DOCK3: variants seen among roughly 807,000 people sequenced by gnomAD.
DOCK3 encodes the protein dedicator of cytokinesis protein 3.
A neutral mutation model predicts 265.6 loss-of-function variants in DOCK3; 60 were observed. The observed-to-expected ratio is 0.23, with a 90% CI of 0.18 to 0.28. The LOEUF is 0.28. Among genes scored for constraint, DOCK3 ranks in the 10% least tolerant of loss-of-function variants. The probability of loss-of-function intolerance (pLI) is 1.00; values close to 1 mark genes in which losing one functional copy is unlikely to be tolerated. For missense variants in DOCK3, 1,981 were observed against 2,594.3 expected, an observed-to-expected ratio of 0.76 and a Z score of 5.14; for synonymous variants, 881 against 938.0, an observed-to-expected ratio of 0.94 and a Z score of 1.11.
intron 12 of DOCK3, among the ~76,000 whole-genome samples, chr3:51,161,413 C>A (rs566876621): frequency 5.4e-4 from 81 of 150,154 alleles, no homozygotes; most frequent in Non-Finnish European, 1.0e-3. Flanking sequence ...CACTGCACTC[C>A]AGCCTGGGCA....
chr3:51,344,313 A>G (rs1440071397), intron 38 of DOCK3, among the ~76,000 whole-genome samples: 1 of 152,174 alleles, frequency 6.6e-6, no homozygotes, highest in Non-Finnish European at 1.5e-5. Context: ...CGAGGGAGCA[A>G]CAAGGATATA....
chr3:51,259,885 G>A (rs2079760858), intron 22 of DOCK3, among the ~76,000 whole-genome samples: 1 of 152,150 alleles, frequency 6.6e-6, no homozygotes, highest in Admixed American at 6.5e-5. Context: ...TTCTATAACA[G>A]TCTATGGCTC....
At chr3:50,913,314 G>A (rs28762180) in intron 4 of DOCK3, among the ~76,000 whole-genome samples, 14,349 of 151,914 alleles carry the variant, frequency 0.094, 849 homozygotes, top group Non-Finnish European at 0.12. Context: ...TCTTGCTGTG[G>A]TTGAGCTGTT....
At chr3:50,841,922 G>A (rs1459325533) in intron 3 of DOCK3, among the ~76,000 whole-genome samples, 1 of 151,616 alleles carries the variant, frequency 6.6e-6, no homozygotes, top group African/African-American at 2.4e-5. Flanking sequence ...AAATATCATA[G>A]CTGCAAAGCT....
intron 41 of DOCK3, among the ~76,000 whole-genome samples, chr3:51,355,242 T>C (rs2086285495): frequency 6.6e-6 from 1 of 152,230 alleles, no homozygotes; most frequent in Non-Finnish European, 1.5e-5. Flanking sequence ...GGTCTAGTTA[T>C]CAGTGGGGCT....
At position 50,973,049 on chromosome 3, in the gene DOCK3, C is replaced by CTTTTTTTTTTTTTTTT. The variant is rs71858027; in HGVS notation, c.315+38981_315+38996dup. Among the ~76,000 whole-genome samples, 2 of 19,022 alleles carry CTTTTTTTTTTTTTTTT rather than the reference C, an allele frequency of 1.1e-4. 1 individual carries two copies. The highest frequency in any genetic ancestry group is 1.7e-4 in the Non-Finnish European group (2 of 11,676). 12.5% of individuals were successfully genotyped at this position (19,022 alleles called of 152,430 possible). ...ACAATCCGTGGCATTCAGTGTGTTT[C>CTTTTTTTTTTTTTTTT]TTTTTTTTTTTTTTTTTTTTTTTTG... On this transcript the variant is annotated intron_variant, in intron 5 of 52. Transcript: ENST00000266037.
chr3:51,224,626 T>C (rs1326950711), intron 14 of DOCK3, among the ~76,000 whole-genome samples: 1 of 152,210 alleles, frequency 6.6e-6, no homozygotes, highest in Non-Finnish European at 1.5e-5. Context: ...GTTGTTTCAT[T>C]ACCTCTCATT....
chr3:50,789,667 G>A (rs1407327993), intron 2 of DOCK3, among the ~76,000 whole-genome samples: 1 of 152,104 alleles, frequency 6.6e-6, no homozygotes. Flanking sequence ...CCAGTGTTAG[G>A]TGCATATATA....
intron 5 of DOCK3, among the ~76,000 whole-genome samples, chr3:51,030,463 T>A (rs923135693): frequency 1.3e-5 from 2 of 152,166 alleles, no homozygotes; most frequent in African/African-American, 4.8e-5. Context: ...ATTATAGTCA[T>A]GGTAAGGTAT....
At chr3:51,072,510 G>A (rs2081913227) in intron 6 of DOCK3, among the ~76,000 whole-genome samples, 1 of 152,008 alleles carries the variant, frequency 6.6e-6, no homozygotes, top group Non-Finnish European at 1.5e-5. Flanking sequence ...CTGGTTTCAA[G>A]TGATTCTCAT....
chr3:51,089,765 G>A (rs540855559), intron 8 of DOCK3, among the ~76,000 whole-genome samples: 58 of 151,912 alleles, frequency 3.8e-4, no homozygotes, highest in Non-Finnish European at 7.2e-4. Context: ...AGCTGGGCAT[G>A]ATGGTGGGTG....
chr3:51,059,652 C>T (rs1308691678), intron 5 of DOCK3, among the ~76,000 whole-genome samples: 2 of 152,116 alleles, frequency 1.3e-5, no homozygotes, highest in African/African-American at 4.8e-5. Context: ...CCACTCTATT[C>T]ACTCCCAGCT....
At chr3:50,911,461 G>A (rs2049849042) in intron 4 of DOCK3, among the ~76,000 whole-genome samples, 1 of 152,042 alleles carries the variant, frequency 6.6e-6, no homozygotes, top group Admixed American at 6.5e-5. Flanking sequence ...AAAATGAGTT[G>A]ACTTCATATG....
intron 25 of DOCK3, among the ~76,000 whole-genome samples, chr3:51,277,019 C>T (rs2080852949): frequency 6.6e-6 from 1 of 152,096 alleles, no homozygotes; most frequent in African/African-American, 2.4e-5. Context: ...GACCCTGTAA[C>T]ACGAGCAAGA....
intron 1 of DOCK3, among the ~76,000 whole-genome samples, chr3:50,724,556 C>T (rs910322038): frequency 2.0e-5 from 3 of 152,078 alleles, no homozygotes; most frequent in Non-Finnish European, 4.4e-5. Context: ...ATGGATGAAA[C>T]TGGAAACCAT....
At chr3:50,696,084 CTGTGTCTA>C (rs1224619203) in intron 1 of DOCK3, among the ~76,000 whole-genome samples, 1 of 152,202 alleles carries the variant, frequency 6.6e-6, no homozygotes, top group Non-Finnish European at 1.5e-5. Context: ...TTTGATATCT[CTGTGTCTA>C]TGTGTTGCAT....
intron 5 of DOCK3, among the ~76,000 whole-genome samples, chr3:51,055,871 A>G (rs924872663): frequency 2.0e-4 from 30 of 152,302 alleles, no homozygotes; most frequent in Middle Eastern, 3.4e-3. Flanking sequence ...GTTGTAAGAG[A>G]GGATTAGAGC....
chr3:50,934,741 A>G (rs1002995241), intron 5 of DOCK3, among the ~76,000 whole-genome samples: 3 of 147,594 alleles, frequency 2.0e-5, no homozygotes, highest in African/African-American at 7.4e-5. Context: ...TTGTCTCTTA[A>G]AAAAAAAAAA....
At chr3:51,228,532 A>G in intron 17 of DOCK3, 129 bp from the exon 18 acceptor site, 3 of 1,009,160 alleles carry the variant, frequency 3.0e-6, no homozygotes, top group Non-Finnish European at 4.3e-6. Flanking sequence ...GTACTCTTCC[A>G]AGAGGACCTG....
Sources: allele counts gnomAD v4.1 joint callset (sites outside exome capture counted in the v4.1 genomes callset), GRCh38; gene constraint gnomAD v4.1.1; transcripts MANE v1.5; gene names NCBI Gene and HGNC (gene_info 2026-07-23, HGNC 2026-07-21).